PCCB: variants seen among roughly 807,000 people sequenced by gnomAD.
PCCB encodes propionyl-CoA carboxylase beta chain, mitochondrial.
Under a neutral mutation model 60.7 loss-of-function variants are expected in PCCB, and 43 were observed. The observed-to-expected ratio is 0.71, with a 90% CI of 0.55 to 0.91. The LOEUF is 0.91. PCCB is among the 40% of genes least tolerant of loss of function. The pLI is 0.00. For synonymous variants in PCCB, 276 were observed against 255.9 expected (o/e 1.08, Z -0.75); for missense variants, 766 against 702.8 (o/e 1.09, Z -1.02).
intron 3 of PCCB, among the ~76,000 whole-genome samples, chr3:136,257,012 C>A (rs933269268): frequency 3.3e-5 from 5 of 152,170 alleles, no homozygotes; most frequent in African/African-American, 4.8e-5. Flanking sequence ...GAACCAGAGT[C>A]CCCCTGAGCT....
chr3:136,271,038 A>G (rs1477856481), intron 5 of PCCB, among the ~76,000 whole-genome samples: 2 of 152,158 alleles, frequency 1.3e-5, no homozygotes, highest in African/African-American at 4.8e-5. Flanking sequence ...GTCCTTTGTC[A>G]GGTGCATAGT....
intron 5 of PCCB, among the ~76,000 whole-genome samples, chr3:136,268,354 C>T (rs919046861): frequency 6.6e-6 from 1 of 151,180 alleles, no homozygotes; most frequent in African/African-American, 2.4e-5. Context: ...GGGTTTGTTT[C>T]TGAACTCTCA....
intron 3 of PCCB, among the ~76,000 whole-genome samples, 192 bp downstream of exon 3, chr3:136,256,815 T>G (rs1941682273): frequency 6.6e-6 from 1 of 152,170 alleles, no homozygotes; most frequent in African/African-American, 2.4e-5. Context: ...TTAGTCTGTT[T>G]TGGGGGGGAT....
intron 9 of PCCB, among the ~76,000 whole-genome samples, chr3:136,307,491 A>G (rs1295943119): frequency 1.3e-5 from 2 of 152,206 alleles, no homozygotes; most frequent in African/African-American, 2.4e-5. Context: ...AAACTAGTTA[A>G]TAAAAGATTA....
intron 6 of PCCB, among the ~76,000 whole-genome samples, chr3:136,288,976 T>A (rs1438359034): frequency 2.0e-5 from 3 of 152,020 alleles, no homozygotes; most frequent in Non-Finnish European, 2.9e-5. Flanking sequence ...CCAATTTTTT[T>A]ATTTTTGTAG....
intron 3 of PCCB, chr3:136,259,246 C>A: frequency 3.4e-6 from 3 of 889,420 alleles, no homozygotes; most frequent in Non-Finnish European, 4.6e-6. Flanking sequence ...GTGGGTAGAT[C>A]ACTTGAGGCC....
intron 9 of PCCB, among the ~76,000 whole-genome samples, chr3:136,303,783 T>G (rs1329842540): frequency 8.3e-6 from 1 of 121,210 alleles, no homozygotes; most frequent in African/African-American, 2.5e-5. Context: ...TTTGTACTTT[T>G]AGTAGAGACA....
In PCCB at chr3:136,260,842, C is replaced by T. The variant is rs117164248; in HGVS notation, c.429+307C>T. Reference sequence around the variant, plus strand: ...GCTCCCTTGTTAATGCATTTAATAACAAGATTTAGCAGTAGATCTAGTAAC... The same window carrying T: ...GCTCCCTTGTTAATGCATTTAATAATAAGATTTAGCAGTAGATCTAGTAAC... On this transcript the variant is annotated intron_variant, in intron 4 of 14. Coordinates refer to ENST00000251654, the MANE Select transcript of PCCB (RefSeq NM_000532.5). Among the ~76,000 whole-genome samples, 1,757 of 152,164 alleles carry T rather than the reference C, an allele frequency of 0.012. 31 individuals carry two copies. Among genetic ancestry groups the T allele is most frequent in the East Asian group, 0.047 (243 of 5,190 alleles).
intron 8 of PCCB, among the ~76,000 whole-genome samples, chr3:136,299,445 C>T (rs1201084946): frequency 6.7e-6 from 1 of 149,648 alleles, no homozygotes; most frequent in African/African-American, 2.5e-5. Context: ...TGTATATATG[C>T]ATATGTATGC....
intron 6 of PCCB, among the ~76,000 whole-genome samples, chr3:136,284,984 A>T (rs1227065907): frequency 6.7e-6 from 1 of 150,180 alleles, no homozygotes; most frequent in East Asian, 2.0e-4. Context: ...GCTACTTGGG[A>T]GGCTGAGGTG....
At chr3:136,260,352 A>G (rs1281729998) in intron 3 of PCCB, 127 bp from the exon 4 acceptor site, 8 of 772,474 alleles carry the variant, frequency 1.0e-5, no homozygotes, top group South Asian at 1.0e-4. Context: ...TGTTGGGATT[A>G]CAGGCATGAG....
chr3:136,261,806 G>A, intron 4 of PCCB, 146 bp from the exon 5 acceptor site: 4 of 673,914 alleles, frequency 5.9e-6, no homozygotes, highest in East Asian at 2.8e-5. Context: ...GTACCCAATC[G>A]TGATGGGGAG....
chr3:136,323,807 C>CAA (rs752634366), intron 10 of PCCB, among the ~76,000 whole-genome samples: 1,626 of 91,158 alleles, frequency 0.018, 24 homozygotes, highest in East Asian at 0.076. Context: ...CAAAACATCT[C>CAA]AAAAAAAAAA....
At chr3:136,272,147 C>T (rs1331584713) in intron 5 of PCCB, among the ~76,000 whole-genome samples, 1 of 152,050 alleles carries the variant, frequency 6.6e-6, no homozygotes, top group Non-Finnish European at 1.5e-5. Context: ...ATTCTGTTTA[C>T]GGGATTTATC....
intron 5 of PCCB, among the ~76,000 whole-genome samples, chr3:136,268,108 A>G (rs60098634): frequency 6.0e-4 from 75 of 125,450 alleles, no homozygotes; most frequent in South Asian, 2.2e-3. Context: ...ATATATATAT[A>G]TATATATATA....
At chr3:136,307,700 G>A (rs1040970638) in intron 9 of PCCB, among the ~76,000 whole-genome samples, 4 of 152,088 alleles carry the variant, frequency 2.6e-5, no homozygotes, top group African/African-American at 9.7e-5. Context: ...GACAGGCCAG[G>A]CGTGGTGGCT....
chr3:136,296,855 T>G (rs1378489162), intron 7 of PCCB, among the ~76,000 whole-genome samples: 1 of 152,224 alleles, frequency 6.6e-6, no homozygotes, highest in Non-Finnish European at 1.5e-5. Flanking sequence ...AAAACAAATA[T>G]TCATCGAGTA....
At chr3:136,300,970 C>A in intron 8 of PCCB, 60 bp from the exon 9 acceptor site, 1 of 1,284,946 alleles carries the variant, frequency 7.8e-7, no homozygotes, top group Non-Finnish European at 1.1e-6. Context: ...CCACCCCATT[C>A]CCACAAAAGG....
intron 7 of PCCB, among the ~76,000 whole-genome samples, chr3:136,297,543 T>A (rs1319962114): frequency 6.6e-6 from 1 of 152,158 alleles, no homozygotes; most frequent in Non-Finnish European, 1.5e-5. Flanking sequence ...AGGCCTGATC[T>A]TACCCTGTTG....
Sources: gnomAD v4.1 joint callset for allele counts (sites outside exome capture counted in the v4.1 genomes callset) on GRCh38, gnomAD v4.1.1 for gene constraint, MANE v1.5 for transcripts, NCBI Gene and HGNC (gene_info 2026-07-23, HGNC 2026-07-21) for gene names.